The following NRCAM variants were observed in gnomAD, a reference collection of about 807,000 sequenced individuals.
The protein encoded by NRCAM is neuronal cell adhesion molecule.
In NRCAM, 83 loss-of-function variants were observed where a neutral mutation model predicts 156.5. The observed-to-expected ratio is 0.53, with a 90% CI of 0.44 to 0.64. The LOEUF is 0.64. NRCAM is among the 30% of genes least tolerant of loss of function. The pLI, the probability that NRCAM is intolerant of heterozygous loss-of-function variation, is 0.00. For missense variants in NRCAM, 1,417 were observed against 1,597.3 expected (o/e 0.89, Z 1.92); for synonymous variants, 538 against 563.9 (o/e 0.95, Z 0.65).
intron 3 of NRCAM, among the ~76,000 whole-genome samples, chr7:108,279,710 T>G (rs1046884068): frequency 1.1e-4 from 15 of 142,376 alleles, no homozygotes; most frequent in Non-Finnish European, 6.1e-5. Flanking sequence ...TACAACCATG[T>G]GCCACCACAG....
At chr7:108,213,317 C>A (rs2085798762) in intron 11 of NRCAM, among the ~76,000 whole-genome samples, 1 of 152,016 alleles carries the variant, frequency 6.6e-6, no homozygotes, top group South Asian at 2.1e-4. Context: ...CACACAGGAC[C>A]TATAAAACAA....
In NRCAM at chr7:108,215,975, C is replaced by T. The variant is rs569727100; in HGVS notation, c.891-6370G>A. 6.6e-5 allele frequency among the ~76,000 whole-genome samples: 10 copies of T among 152,210 alleles called. No homozygotes were observed. In the South Asian group the frequency reaches 1.7e-3, roughly 25 times the overall value. On this transcript the variant is annotated intron_variant, in intron 11 of 32. Transcript: ENST00000379028. ...ATTATGATGCTAGCTGGTTATTCTG[C>T]GCGTTAGTTGATGCAGTTTCTTCAT...
chr7:108,379,323 T>G (rs2099690858), intron 2 of NRCAM, among the ~76,000 whole-genome samples: 1 of 152,156 alleles, frequency 6.6e-6, no homozygotes, highest in Admixed American at 6.5e-5. Flanking sequence ...AGAAGGAAAT[T>G]CTGGTGCATG....
At chr7:108,157,903 T>C (rs950125770) in intron 32 of NRCAM, among the ~76,000 whole-genome samples, 12 of 152,144 alleles carry the variant, frequency 7.9e-5, no homozygotes, top group African/African-American at 2.4e-4. Flanking sequence ...TACATTTTTT[T>C]TCAGGGCCAC....
chr7:108,255,627 A>G (rs561243759), intron 3 of NRCAM, among the ~76,000 whole-genome samples: 154 of 125,826 alleles, frequency 1.2e-3, no homozygotes, highest in Non-Finnish European at 2.0e-3. Flanking sequence ...CTGGCTGCCC[A>G]TCGTCTGGGA....
intron 5 of NRCAM, 109 bp from the exon 6 acceptor site, chr7:108,234,797 G>A (rs775346557): frequency 2.4e-6 from 2 of 819,634 alleles, no homozygotes; most frequent in Non-Finnish European, 4.3e-6. Flanking sequence ...TATGCTTCAA[G>A]TATTTTTAGT....
chr7:108,230,590 T>C (rs1406801118), intron 8 of NRCAM, among the ~76,000 whole-genome samples: 3 of 152,156 alleles, frequency 2.0e-5, no homozygotes, highest in South Asian at 2.1e-4. Flanking sequence ...GGCCACCTTG[T>C]CCTCCTTGCT....
rs114431888 is a variant in NRCAM, at chr7:108,409,035, G to A, written c.-331-9442C>T. ...ATATTCAGGGAGCTGTTTGTGTGAG[G>A]GAAGGCACAAAACACCTGCCTAGAA... On this transcript the variant is annotated intron_variant, in intron 1 of 32. Coordinates refer to ENST00000379028, the MANE Select transcript of NRCAM (RefSeq NM_001037132.4). Among the ~76,000 whole-genome samples the A allele has an allele frequency of 1.9e-3, 288 of 152,236 alleles. 5 individuals are homozygous for A. The highest frequency in any genetic ancestry group is 6.5e-3 in the African/African-American group (271 of 41,550).
At chr7:108,393,711 A>G (rs770266354) in intron 2 of NRCAM, among the ~76,000 whole-genome samples, 1 of 152,132 alleles carries the variant, frequency 6.6e-6, no homozygotes, top group Non-Finnish European at 1.5e-5. Flanking sequence ...GTTCCTATTC[A>G]GCCATCTTGG....
intron 3 of NRCAM, among the ~76,000 whole-genome samples, chr7:108,273,531 C>T (rs1405406021): frequency 6.6e-6 from 1 of 152,202 alleles, no homozygotes; most frequent in Non-Finnish European, 1.5e-5. Context: ...TGTCTGTTGG[C>T]TGCATAAATG....
chr7:108,227,245 C>G (rs1451610652), intron 8 of NRCAM, among the ~76,000 whole-genome samples: 1 of 152,188 alleles, frequency 6.6e-6, no homozygotes, highest in Non-Finnish European at 1.5e-5. Flanking sequence ...TTTCCAGTGT[C>G]AAGCATAATA....
In NRCAM at chr7:108,456,327, AT is replaced by A. The variant is rs1857391153; in HGVS notation, c.-417del. ...GGTGTCCTCCGTTCTCGACGAAGCTATCCCCTCTGGCTGCTCCAGCCAGGCG... is the reference window on the plus strand; with the variant it reads ...GGTGTCCTCCGTTCTCGACGAAGCTACCCCTCTGGCTGCTCCAGCCAGGCG... On this transcript the variant is annotated 5_prime_UTR_variant, in exon 1 of 33. Coordinates refer to ENST00000379028, the MANE Select transcript of NRCAM (RefSeq NM_001037132.4). 5 of 151,424 alleles carry A rather than the reference AT, an allele frequency of 3.3e-5. No homozygotes were observed. Among genetic ancestry groups the A allele is most frequent in the Admixed American group, 2.0e-4 (3 of 15,238 alleles). 9.4% of individuals were successfully genotyped at this position (151,424 alleles called of 1,614,324 possible).
In NRCAM at chr7:108,312,684, T is replaced by G. The variant is rs1217710103; in HGVS notation, c.-126A>C. On this transcript the variant is annotated 5_prime_UTR_variant, in exon 3 of 33. Coordinates refer to ENST00000379028, the MANE Select transcript of NRCAM (RefSeq NM_001037132.4). The stretch of plus-strand genomic sequence containing the variant: ...TCTTACCTTTGAAGAAGCTCTTAAG[T>G]TGTTCTTCCTTTTAATTCTTTAAAC... The G allele has an allele frequency of 6.6e-6, 1 of 152,244 alleles. No individual in the cohort carries two copies. The highest frequency in any genetic ancestry group is 1.5e-5 in the Non-Finnish European group (1 of 68,044). 9.4% of individuals were successfully genotyped at this position (152,244 alleles called of 1,614,324 possible).
At position 108,335,434 on chromosome 7, in the gene NRCAM, C is replaced by CTTTTTTTTTTTTT. The variant is rs58975301; in HGVS notation, c.-173-22716_-173-22704dup. Among the ~76,000 whole-genome samples, 156 of 69,880 alleles carry CTTTTTTTTTTTTT rather than the reference C, an allele frequency of 2.2e-3. 7 individuals are homozygous for CTTTTTTTTTTTTT. The highest frequency in any genetic ancestry group is 6.3e-3 in the East Asian group (12 of 1,914). The allele number at this position is 69,880 out of a possible 152,430, so 45.8% of individuals were successfully genotyped here. A position where few individuals can be genotyped will look rare whatever the true frequency, so the allele number is the denominator to read the frequency against. On this transcript the variant is annotated intron_variant, in intron 2 of 32. Coordinates refer to ENST00000379028, the MANE Select transcript of NRCAM (RefSeq NM_001037132.4). ...ATGTCCTGTGGATCTGTTCCACCTGCTTTTTTTTTTTTTTTTTTTTTTTTT... is the reference window on the plus strand; with the variant it reads ...ATGTCCTGTGGATCTGTTCCACCTGCTTTTTTTTTTTTTTTTTTTTTTTTTTTTTTTTTTTTTT...
At chr7:108,421,875 G>A (rs1810400491) in intron 1 of NRCAM, among the ~76,000 whole-genome samples, 1 of 152,198 alleles carries the variant, frequency 6.6e-6, no homozygotes, top group Admixed American at 6.5e-5. Flanking sequence ...CTGCCCTGTG[G>A]AGATTAACGA....
chr7:108,358,966 A>G (rs572008233), intron 2 of NRCAM, among the ~76,000 whole-genome samples: 1 of 152,298 alleles, frequency 6.6e-6, no homozygotes, highest in East Asian at 1.9e-4. Flanking sequence ...ATTTGCATAG[A>G]TATGTCTATA....
chr7:108,312,631 C>T (rs1220854129), intron 3 of NRCAM, 34 bp downstream of exon 3: 5 of 152,242 alleles, frequency 3.3e-5, no homozygotes, highest in East Asian at 1.9e-4. Flanking sequence ...TCTTTAACTA[C>T]GAATTCAAAT....
intron 1 of NRCAM, among the ~76,000 whole-genome samples, chr7:108,419,379 A>AT (rs1315874447): frequency 6.6e-6 from 1 of 152,168 alleles, no homozygotes; most frequent in East Asian, 1.9e-4. Context: ...AATATGATTT[A>AT]TATTGCTTTT....
intron 30 of NRCAM, among the ~76,000 whole-genome samples, chr7:108,166,339 C>T (rs1216915904): frequency 6.6e-6 from 1 of 151,688 alleles, no homozygotes; most frequent in Non-Finnish European, 1.5e-5. Flanking sequence ...CCTCTGCCTC[C>T]CGGGTTCAAG....
Sources: allele counts gnomAD v4.1 joint callset (sites outside exome capture counted in the v4.1 genomes callset), GRCh38; gene constraint gnomAD v4.1.1; transcripts MANE v1.5; gene names NCBI Gene and HGNC (gene_info 2026-07-23, HGNC 2026-07-21).